The following CDH22 variants were observed in gnomAD, a reference collection of about 807,000 sequenced individuals.
CDH22 encodes cadherin 22.
Under a neutral mutation model 58.4 loss-of-function variants are expected in CDH22, and 30 were observed. That is an observed-to-expected ratio of 0.51 (90% CI 0.38 to 0.70). The LOEUF (loss-of-function observed/expected upper bound fraction) is 0.70. CDH22 is among the 30% of genes least tolerant of loss of function. CDH22 has a pLI of 0.00. For synonymous variants in CDH22, 513 were observed against 558.2 expected, an observed-to-expected ratio of 0.92 and a Z score of 1.14; for missense variants, 1,014 against 1,233.9, an observed-to-expected ratio of 0.82 and a Z score of 2.67.
chr20:46,247,336 G>A (rs2086337564), intron 2 of CDH22, among the ~76,000 whole-genome samples: 1 of 136,064 alleles, frequency 7.3e-6, no homozygotes, highest in Non-Finnish European at 1.7e-5. Flanking sequence ...AGGAAACTGA[G>A]GCACAGAGAG....
intron 1 of CDH22, among the ~76,000 whole-genome samples, chr20:46,268,441 CA>C (rs2086472531): frequency 6.6e-6 from 1 of 152,278 alleles, no homozygotes; most frequent in Non-Finnish European, 1.5e-5. Context: ...GTCAACCTCG[CA>C]GTAAATTACA....
At chr20:46,295,180 C>T (rs886195431) in intron 1 of CDH22, among the ~76,000 whole-genome samples, 1 of 152,228 alleles carries the variant, frequency 6.6e-6, no homozygotes, top group African/African-American at 2.4e-5. Context: ...GGCCGCCTCT[C>T]CATGCAACGT....
chr20:46,196,867 T>C (rs1411369787), intron 8 of CDH22, among the ~76,000 whole-genome samples: 1 of 152,184 alleles, frequency 6.6e-6, no homozygotes, highest in Admixed American at 6.5e-5. Context: ...GTTCTTCCCA[T>C]GAGCTATGCT....
intron 1 of CDH22, among the ~76,000 whole-genome samples, chr20:46,275,022 C>T (rs943674858): frequency 2.0e-5 from 3 of 152,088 alleles, no homozygotes; most frequent in African/African-American, 7.2e-5. Context: ...GTGGTGGTTG[C>T]ACAACTCTGT....
At position 46,241,389 on chromosome 20, in the gene CDH22, A is replaced by G; in HGVS notation, c.256-132T>C. 2 of 779,598 alleles carry G rather than the reference A, an allele frequency of 2.6e-6. No homozygotes were observed. Among genetic ancestry groups the G allele is most frequent in the Non-Finnish European group, 4.0e-6 (2 of 500,080 alleles). 48.3% of individuals were successfully genotyped at this position (779,598 alleles called of 1,614,324 possible). On this transcript the variant is annotated intron_variant, in intron 2 of 11. Coordinates refer to ENST00000537909, the MANE Select transcript of CDH22 (RefSeq NM_021248.3). The surrounding 1 kb of genome is among the most constrained non-coding windows in gnomAD (Gnocchi z 5.2). ...GCACATACACATCTTTAGTGAGGAC[A>G]CTGAGGCCCAGCAGCCACGCTCACT...
intron 3 of CDH22, among the ~76,000 whole-genome samples, chr20:46,239,196 G>T (rs2086273837): frequency 6.6e-6 from 1 of 152,206 alleles, no homozygotes; most frequent in Admixed American, 6.5e-5. Context: ...TCACTGCTGT[G>T]TTCCCAGGGC....
At chr20:46,186,505 C>T (rs1366078078) in intron 10 of CDH22, 83 bp downstream of exon 10, 1 of 1,012,070 alleles carries the variant, frequency 9.9e-7, no homozygotes, top group African/African-American at 1.6e-5. Flanking sequence ...CTGTGGGCGC[C>T]TCCGTCCCTC....
At chr20:46,225,329 CA>C (rs2086163418) in intron 4 of CDH22, among the ~76,000 whole-genome samples, 1 of 152,142 alleles carries the variant, frequency 6.6e-6, no homozygotes, top group Non-Finnish European at 1.5e-5. Context: ...TGTCCATCGG[CA>C]GGGGACTGGT....
At chr20:46,265,899 T>C (rs1314916318) in intron 1 of CDH22, among the ~76,000 whole-genome samples, 5 of 151,988 alleles carry the variant, frequency 3.3e-5, no homozygotes, top group African/African-American at 1.2e-4. Context: ...TGTTGTTCTA[T>C]TGTTTTGTCT....
intron 1 of CDH22, among the ~76,000 whole-genome samples, chr20:46,257,685 G>A (rs1157839130): frequency 2.0e-5 from 3 of 152,202 alleles, no homozygotes; most frequent in Non-Finnish European, 1.5e-5. Flanking sequence ...GCAGAGATAC[G>A]GAGCAGGCTC....
rs139237298 is a variant in CDH22 at position 46,217,627 on chromosome 20, T to C, written c.671-634A>G. Among the ~76,000 whole-genome samples, 160 of 152,252 alleles carry C rather than the reference T, an allele frequency of 1.1e-3. 2 individuals are homozygous for C. The highest frequency in any genetic ancestry group is 3.8e-3 in the African/African-American group (156 of 41,524). On this transcript the variant is annotated intron_variant, in intron 4 of 11. Coordinates refer to ENST00000537909, the MANE Select transcript of CDH22 (RefSeq NM_021248.3). ...GATCACCCACACACATACCTGCCCATGCAGAAATGCACATGGGCTCAGATA... is the reference window on the plus strand; with the variant it reads ...GATCACCCACACACATACCTGCCCACGCAGAAATGCACATGGGCTCAGATA...
intron 1 of CDH22, among the ~76,000 whole-genome samples, chr20:46,275,367 T>C (rs1766222070): frequency 6.6e-6 from 1 of 152,156 alleles, no homozygotes; most frequent in Non-Finnish European, 1.5e-5. Flanking sequence ...CATCTGACTA[T>C]CTTTGTTCAA....
At chr20:46,200,445 ATTTTTTTTTT>A in intron 7 of CDH22, among the ~76,000 whole-genome samples, 1 of 130,506 alleles carries the variant, frequency 7.7e-6, no homozygotes, top group East Asian at 2.2e-4. Flanking sequence ...CGCCCAGCTA[ATTTTTTTTTT>A]TTTTTTTTCA....
chr20:46,269,614 C>G (rs1384425665), intron 1 of CDH22, among the ~76,000 whole-genome samples: 7 of 152,220 alleles, frequency 4.6e-5, no homozygotes, highest in Admixed American at 4.6e-4. Flanking sequence ...TGCTCCGAAC[C>G]AGGGGCTCCC....
chr20:46,217,047 G>C, intron 4 of CDH22, 54 bp from the exon 5 acceptor site: 1 of 1,538,348 alleles, frequency 6.5e-7, no homozygotes, highest in Non-Finnish European at 8.9e-7. Flanking sequence ...GCCCACTGAT[G>C]TGGAGACCCC....
chr20:46,181,014 G>T (rs941807439), intron 10 of CDH22, among the ~76,000 whole-genome samples: 6 of 150,786 alleles, frequency 4.0e-5, no homozygotes, highest in Non-Finnish European at 7.4e-5. Context: ...AACTCCTGGG[G>T]CTCCTCCTGC....
In CDH22 at chr20:46,183,946, A is replaced by G. The variant is rs184200020; in HGVS notation, c.1663+2642T>C. Among the ~76,000 whole-genome samples, 71 of 152,194 alleles carry G rather than the reference A, an allele frequency of 4.7e-4. 1 individual carries two copies. The highest frequency in any genetic ancestry group is 1.6e-3 in the African/African-American group (67 of 41,514). On this transcript the variant is annotated intron_variant, in intron 10 of 11. Transcript: ENST00000537909. Reference sequence around the variant, plus strand: ...TTCCTAATCCACCCCAGTCCTGCTCACCACAGGGCCTTTGCACTTGCTATT... The same window carrying G: ...TTCCTAATCCACCCCAGTCCTGCTCGCCACAGGGCCTTTGCACTTGCTATT...
chr20:46,289,393 G>A (rs1439006188), intron 1 of CDH22, among the ~76,000 whole-genome samples: 1 of 152,186 alleles, frequency 6.6e-6, no homozygotes. Flanking sequence ...TAATGTGAGT[G>A]CCATGATTTT....
chr20:46,223,516 G>A (rs959364741), intron 4 of CDH22, among the ~76,000 whole-genome samples: 1 of 152,138 alleles, frequency 6.6e-6, no homozygotes, highest in Non-Finnish European at 1.5e-5. Context: ...TTGGCCTGCA[G>A]TGTTGGTCCC....
Sources: allele counts gnomAD v4.1 joint callset (sites outside exome capture counted in the v4.1 genomes callset), GRCh38; gene constraint gnomAD v4.1.1; non-coding constraint Gnocchi (gnomAD v3.1); transcripts MANE v1.5; gene names NCBI Gene and HGNC (gene_info 2026-07-23, HGNC 2026-07-21).